The following JCAD variants were observed in gnomAD, a reference collection of about 807,000 sequenced individuals.
JCAD encodes junctional cadherin 5 associated.
JCAD carries 40 observed loss-of-function variants against 98.0 expected under a neutral mutation model. The ratio of observed to expected loss-of-function variants is 0.41; its 90% confidence interval spans 0.32 to 0.53. The LOEUF (loss-of-function observed/expected upper bound fraction) is 0.53, where lower values mean the gene tolerates loss of function less well. JCAD is among the 20% of genes least tolerant of loss of function. The pLI is 0.31. For missense variants in JCAD, 1,705 were observed against 1,738.1 expected (o/e 0.98, Z 0.34); for synonymous variants, 691 against 682.3 (o/e 1.01, Z -0.20).
At chr10:30,112,542 G>C (rs1318214815) in intron 1 of JCAD, among the ~76,000 whole-genome samples, 2 of 152,032 alleles carry the variant, frequency 1.3e-5, no homozygotes, top group Non-Finnish European at 2.9e-5. Context: ...AAATAAGCCA[G>C]ACACAAAAAG....
intron 3 of JCAD, among the ~76,000 whole-genome samples, chr10:30,022,463 G>A (rs1589675714): frequency 6.6e-6 from 1 of 152,152 alleles, no homozygotes; most frequent in East Asian, 1.9e-4. Context: ...AAGTCCAAGC[G>A]CTTCTCAGTG....
In JCAD at chr10:30,027,188, G is replaced by A. The variant is rs1836837289; in HGVS notation, c.2960C>T (p.Pro987Leu). 1.2e-6 allele frequency: 2 copies of A among 1,614,178 alleles called. No homozygotes were observed. Among genetic ancestry groups the A allele is most frequent in the Non-Finnish European group, 1.7e-6 (2 of 1,180,024 alleles). ...RMSSRSSDAKPLPASYPAEPR... is the reference protein window; with the variant it reads ...RMSSRSSDAKLLPASYPAEPR... ...TTCAGCTGGATAGGACGCGGGCAGTGGTTTTGCGTCACTTGATCTTGAAGA... is the reference window on the plus strand; with the variant it reads ...TTCAGCTGGATAGGACGCGGGCAGTAGTTTTGCGTCACTTGATCTTGAAGA... The change falls in exon 3 of 4, where the codon CCA becomes CTA. Residue 987 changes from proline to leucine, a missense_variant. By Grantham distance (98) the Pro-to-Leu change is moderately conservative. Coordinates refer to ENST00000375377, the MANE Select transcript of JCAD (RefSeq NM_020848.4).
intron 1 of JCAD, among the ~76,000 whole-genome samples, chr10:30,051,846 G>C (rs1316452161): frequency 6.6e-6 from 1 of 152,202 alleles, no homozygotes; most frequent in African/African-American, 2.4e-5. Flanking sequence ...ATGGATTTTA[G>C]CCTCAGTGAC....
At chr10:30,101,250 T>C (rs964652659) in intron 1 of JCAD, among the ~76,000 whole-genome samples, 18 of 151,980 alleles carry the variant, frequency 1.2e-4, no homozygotes, top group African/African-American at 4.3e-4. Flanking sequence ...CTACTAAAAA[T>C]ACAAAAAATA....
rs1836548209 is a variant in JCAD, at chr10:30,016,985, AAGGGATACAGACTCTTAAATAAAAT to A, written c.*873_*897del. The A allele has an allele frequency of 6.6e-6, 1 of 152,198 alleles. No individual in the cohort carries two copies. The highest frequency in any genetic ancestry group is 2.1e-4 in the South Asian group (1 of 4,832). 9.4% of individuals were successfully genotyped at this position (152,198 alleles called of 1,614,324 possible). A position where few individuals can be genotyped will look rare whatever the true frequency, so the allele number is the denominator to read the frequency against. The stretch of plus-strand genomic sequence containing the variant: ...ACCCTCTTTGGGTTCCTCTCACACA[AAGGGATACAGACTCTTAAATAAAAT>A]AATACTTCCTTAAAAATCTGCCGCC... On this transcript the variant is annotated 3_prime_UTR_variant, in exon 4 of 4. Coordinates refer to ENST00000375377, the MANE Select transcript of JCAD (RefSeq NM_020848.4).
chr10:30,071,844 A>C (rs146840077), intron 1 of JCAD, among the ~76,000 whole-genome samples: 392 of 152,296 alleles, frequency 2.6e-3, no homozygotes, highest in Non-Finnish European at 4.3e-3. Context: ...AACTACATTT[A>C]TATGAACAAA....
chr10:30,050,339 AAAAG>A (rs1564454864), intron 1 of JCAD, among the ~76,000 whole-genome samples: 10 of 145,932 alleles, frequency 6.9e-5, no homozygotes, highest in South Asian at 4.4e-4. Flanking sequence ...AAAAAAAAAA[AAAAG>A]AAAGAAAGAA....
At chr10:30,083,200 T>C (rs1247202844) in intron 1 of JCAD, among the ~76,000 whole-genome samples, 1 of 152,176 alleles carries the variant, frequency 6.6e-6, no homozygotes, top group Non-Finnish European at 1.5e-5. Flanking sequence ...AAATAATCTC[T>C]AATTTTATAG....
chr10:30,013,927 A>T lies in JCAD; in HGVS notation c.*3956T>A, dbSNP rs1261303802. ...CTGATGAACCAAGGACTGTTTCGACAGGCAGGTTGCTAGCCCACATCAACC... is the reference window on the plus strand; with the variant it reads ...CTGATGAACCAAGGACTGTTTCGACTGGCAGGTTGCTAGCCCACATCAACC... On this transcript the variant is annotated 3_prime_UTR_variant, in exon 4 of 4. Coordinates refer to ENST00000375377, the MANE Select transcript of JCAD (RefSeq NM_020848.4). 2.0e-5 allele frequency: 3 copies of T among 152,232 alleles called. No individual in the cohort carries two copies. The highest frequency in any genetic ancestry group is 4.8e-5 in the African/African-American group (2 of 41,456). The allele number at this position is 152,232 out of a possible 1,614,324, so 9.4% of individuals were successfully genotyped here.
intron 1 of JCAD, among the ~76,000 whole-genome samples, chr10:30,089,551 T>TGTGTGTGTGTGTG (rs1838226153): frequency 1.3e-5 from 2 of 150,854 alleles, no homozygotes; most frequent in African/African-American, 4.9e-5. Context: ...TGTGTGTGTG[T>TGTGTGTGTGTGTG]TTGCTACTAA....
At chr10:30,098,888 G>A (rs1020699497) in intron 1 of JCAD, among the ~76,000 whole-genome samples, 5 of 152,122 alleles carry the variant, frequency 3.3e-5, no homozygotes, top group African/African-American at 1.2e-4. Flanking sequence ...AGCTCATGTT[G>A]CAAGCTGAAT....
chr10:30,082,851 C>CAAA (rs57450219), intron 1 of JCAD, among the ~76,000 whole-genome samples: 33 of 68,392 alleles, frequency 4.8e-4, no homozygotes, highest in East Asian at 1.2e-3. Context: ...AACTCTGTCT[C>CAAA]AAAAAAAAAA....
At chr10:30,102,241 T>C (rs975768842) in intron 1 of JCAD, among the ~76,000 whole-genome samples, 3 of 152,322 alleles carry the variant, frequency 2.0e-5, no homozygotes, top group Admixed American at 6.5e-5. Flanking sequence ...TGATCTTGGC[T>C]TACTGCAACC....
At chr10:30,048,656 C>T (rs535672807) in intron 1 of JCAD, among the ~76,000 whole-genome samples, 2 of 152,126 alleles carry the variant, frequency 1.3e-5, no homozygotes, top group Non-Finnish European at 2.9e-5. Context: ...ACCTCCACCT[C>T]CTGGGTTCAA....
intron 1 of JCAD, among the ~76,000 whole-genome samples, chr10:30,097,340 G>A (rs558677706): frequency 6.6e-6 from 1 of 152,292 alleles, no homozygotes; most frequent in Non-Finnish European, 1.5e-5. Flanking sequence ...GGACAAAGGA[G>A]GAAATGTCAA....
intron 1 of JCAD, among the ~76,000 whole-genome samples, chr10:30,079,055 T>C (rs1714396504): frequency 6.6e-6 from 1 of 151,836 alleles, no homozygotes; most frequent in Admixed American, 6.6e-5. Context: ...AACCCACCTC[T>C]GCTGGTAATG....
intron 1 of JCAD, among the ~76,000 whole-genome samples, chr10:30,070,328 T>A (rs1837862085): frequency 6.6e-6 from 1 of 152,124 alleles, no homozygotes; most frequent in Non-Finnish European, 1.5e-5. Context: ...CCTGAACTGA[T>A]AATTTAGTGC....
intron 1 of JCAD, among the ~76,000 whole-genome samples, chr10:30,080,490 A>G (rs1838062256): frequency 1.3e-5 from 2 of 152,170 alleles, no homozygotes; most frequent in Admixed American, 1.3e-4. Context: ...TACTCTACAG[A>G]CTTAGATTTC....
chr10:30,034,512 A>C (rs747751140), intron 2 of JCAD, among the ~76,000 whole-genome samples: 49 of 152,138 alleles, frequency 3.2e-4, no homozygotes, highest in Non-Finnish European at 5.6e-4. Context: ...TGTTTTGAGC[A>C]TTTGGGTTTT....
Sources: gnomAD v4.1 joint callset for allele counts (sites outside exome capture counted in the v4.1 genomes callset) on GRCh38, gnomAD v4.1.1 for gene constraint, MANE v1.5 for transcripts, NCBI Gene and HGNC (gene_info 2026-07-23, HGNC 2026-07-21) for gene names.